RARB: variants seen among roughly 807,000 people sequenced by gnomAD.
The protein encoded by RARB is HBV-activated protein.
In RARB, 17 loss-of-function variants were observed where a neutral mutation model predicts 51.9. The observed-to-expected ratio is 0.33, with a 90% CI of 0.22 to 0.49. The LOEUF is 0.49. Ranked by LOEUF, RARB falls within the 20% of genes least tolerant of loss-of-function variation. RARB has a pLI of 0.99. For synonymous variants in RARB, 215 were observed against 195.4 expected (o/e 1.10, Z -0.84); for missense variants, 369 against 550.8 (o/e 0.67, Z 3.30).
At chr3:25,076,894 G>A (rs1213308388) in intron 3 of RARB, among the ~76,000 whole-genome samples, 1 of 152,162 alleles carries the variant, frequency 6.6e-6, no homozygotes, top group Non-Finnish European at 1.5e-5. Flanking sequence ...CATTTCCCAT[G>A]ACAGTGGGAT....
intron 5 of RARB, among the ~76,000 whole-genome samples, chr3:25,210,553 T>TTTTTTTTTTTTTTTTTTTTTTA (rs869216441): frequency 1.2e-5 from 1 of 82,498 alleles, no homozygotes; most frequent in Non-Finnish European, 2.4e-5. Context: ...TTTTTTTTTT[T>TTTTTTTTTTTTTTTTTTTTTTA]GAGATTGAGT....
intron 2 of RARB, among the ~76,000 whole-genome samples, chr3:24,933,255 A>G (rs1044181353): frequency 6.6e-6 from 1 of 151,924 alleles, no homozygotes; most frequent in Non-Finnish European, 1.5e-5. Context: ...CGATTTGAGG[A>G]AAAACCATAA....
chr3:24,923,958 G>C (rs1176746666), intron 2 of RARB, among the ~76,000 whole-genome samples: 1 of 152,100 alleles, frequency 6.6e-6, no homozygotes, highest in Admixed American at 6.6e-5. Context: ...GAAATTAACA[G>C]GTGAAATAAT....
intron 2 of RARB, among the ~76,000 whole-genome samples, chr3:25,490,875 T>C (rs893789562): frequency 6.6e-6 from 1 of 152,160 alleles, no homozygotes; most frequent in Non-Finnish European, 1.5e-5. Context: ...TTGGTTCAAA[T>C]TCTCAGAACC....
chr3:25,505,242 G>A (rs1473026962), intron 3 of RARB, among the ~76,000 whole-genome samples: 3 of 152,130 alleles, frequency 2.0e-5, no homozygotes, highest in Non-Finnish European at 4.4e-5. Context: ...TTAGTAAGGG[G>A]CAGTGCTGAG....
At position 24,977,820 on chromosome 3, in the gene RARB, T is replaced by C. The variant is rs565248375; in HGVS notation, c.-379-82305T>C. ...ATAGGAGTGGTGAGAGAGGGCATCC[T>C]TGTCTTGTGCCAGTTTTCAAAGGGA... On this transcript the variant is annotated intron_variant, in intron 2 of 11. Transcript: ENST00000383772. 1.9e-4 allele frequency among the ~76,000 whole-genome samples: 29 copies of C among 152,308 alleles called. No homozygotes were observed. In the South Asian group the frequency reaches 5.8e-3, roughly 30 times the overall value.
At chr3:25,541,376 G>T (rs888613901) in intron 3 of RARB, among the ~76,000 whole-genome samples, 4 of 151,724 alleles carry the variant, frequency 2.6e-5, no homozygotes, top group Non-Finnish European at 5.9e-5. Context: ...TCTGTCTTTC[G>T]TTCTGACCTT....
chr3:25,052,825 C>T (rs1047841378), intron 2 of RARB, among the ~76,000 whole-genome samples: 8 of 150,162 alleles, frequency 5.3e-5, no homozygotes, highest in South Asian at 2.1e-4. Flanking sequence ...TTGGGTATGA[C>T]GAGAGAAGAG....
intron 4 of RARB, among the ~76,000 whole-genome samples, chr3:25,163,501 C>CAAAAAA (rs1385452358): frequency 2.5e-4 from 20 of 78,696 alleles, no homozygotes; most frequent in African/African-American, 1.0e-3. Flanking sequence ...GACCCTATCT[C>CAAAAAA]AAAATATATA....
intron 5 of RARB, among the ~76,000 whole-genome samples, chr3:25,380,006 T>C (rs945994103): frequency 6.6e-6 from 1 of 152,204 alleles, no homozygotes; most frequent in African/African-American, 2.4e-5. Context: ...GTAAGCTGCA[T>C]GACTGGAAAA....
In RARB at chr3:25,196,882, T is replaced by C. The variant is rs190601375; in HGVS notation, c.178+22307T>C. 5.8e-3 allele frequency among the ~76,000 whole-genome samples: 881 copies of C among 152,158 alleles called. 10 individuals carry two copies. Among genetic ancestry groups the C allele is most frequent in the African/African-American group, 0.02 (823 of 41,546 alleles). ...ATAAATGTCTTCTTTTGAGAAGTGTTGGTTCATATCCTTCGCCCACTTTTT... is the reference window on the plus strand; with the variant it reads ...ATAAATGTCTTCTTTTGAGAAGTGTCGGTTCATATCCTTCGCCCACTTTTT... On this transcript the variant is annotated intron_variant, in intron 5 of 11. Transcript: ENST00000383772.
intron 5 of RARB, among the ~76,000 whole-genome samples, chr3:25,307,415 A>T (rs1209337289): frequency 6.6e-6 from 1 of 151,974 alleles, no homozygotes; most frequent in Non-Finnish European, 1.5e-5. Context: ...TAATATGGCC[A>T]TGTAAGTTCT....
At chr3:25,144,622 G>A (rs1033186332) in intron 4 of RARB, among the ~76,000 whole-genome samples, 7 of 152,182 alleles carry the variant, frequency 4.6e-5, no homozygotes, top group Non-Finnish European at 8.8e-5. Flanking sequence ...ATAGTGCCAG[G>A]TGCTTAACAA....
intron 2 of RARB, among the ~76,000 whole-genome samples, chr3:24,890,028 A>G (rs1703347418): frequency 6.6e-6 from 1 of 152,166 alleles, no homozygotes; most frequent in Admixed American, 6.5e-5. Flanking sequence ...TATATGCAGT[A>G]ATTACATGTA....
intron 2 of RARB, among the ~76,000 whole-genome samples, chr3:24,895,757 T>C (rs190535567): frequency 6.6e-6 from 1 of 152,154 alleles, no homozygotes. Flanking sequence ...TAATAATCTT[T>C]GTGCATTGCT....
At chr3:25,361,897 C>T (rs1379021500) in intron 5 of RARB, among the ~76,000 whole-genome samples, 1 of 152,060 alleles carries the variant, frequency 6.6e-6, no homozygotes, top group Non-Finnish European at 1.5e-5. Context: ...CTGGAGGTGT[C>T]CTGTTTGAGG....
chr3:25,454,852 CTG>C, intron 1 of RARB, among the ~76,000 whole-genome samples: 1 of 152,306 alleles, frequency 6.6e-6, no homozygotes, highest in Middle Eastern at 3.4e-3. Context: ...GACATTTATA[CTG>C]TGTTTTCTCA....
intron 5 of RARB, among the ~76,000 whole-genome samples, chr3:25,351,537 GA>G (rs1227538173): frequency 6.6e-6 from 1 of 152,058 alleles, no homozygotes; most frequent in Non-Finnish European, 1.5e-5. Context: ...ATCATTTATG[GA>G]GTCTTTATCT....
At chr3:25,211,183 T>C (rs1390143449) in intron 5 of RARB, among the ~76,000 whole-genome samples, 1 of 152,196 alleles carries the variant, frequency 6.6e-6, no homozygotes, top group Non-Finnish European at 1.5e-5. Flanking sequence ...AGGACCAAGA[T>C]AGACATGTTC....
Sources: allele counts gnomAD v4.1 joint callset (sites outside exome capture counted in the v4.1 genomes callset), GRCh38; gene constraint gnomAD v4.1.1; transcripts MANE v1.5; gene names NCBI Gene and HGNC (gene_info 2026-07-23, HGNC 2026-07-21).